The following MDGA2 variants were observed in gnomAD, a reference collection of about 807,000 sequenced individuals.
MDGA2 encodes the protein MAM domain containing glycosylphosphatidylinositol anchor 2.
MDGA2 carries 40 observed loss-of-function variants against 117.8 expected under a neutral mutation model. The observed-to-expected ratio is 0.34, with a 90% CI of 0.26 to 0.44. The LOEUF is 0.44. Among genes scored for constraint, MDGA2 ranks in the 20% least tolerant of loss-of-function variants. The pLI is 1.00. For synonymous variants in MDGA2, 452 were observed against 439.0 expected, an observed-to-expected ratio of 1.03 and a Z score of -0.37; for missense variants, 1,123 against 1,250.6, an observed-to-expected ratio of 0.90 and a Z score of 1.54.
intron 3 of MDGA2, among the ~76,000 whole-genome samples, chr14:47,165,529 G>C (rs1430200136): frequency 1.3e-5 from 2 of 152,148 alleles, no homozygotes; most frequent in African/African-American, 4.8e-5. Context: ...GATAGAAGCA[G>C]GGGAGGTAAG....
At chr14:47,510,680 C>T (rs565634702) in intron 1 of MDGA2, among the ~76,000 whole-genome samples, 2 of 152,172 alleles carry the variant, frequency 1.3e-5, no homozygotes, top group South Asian at 4.1e-4. Context: ...AAATGGGAAG[C>T]CTTCCAGTGA....
intron 12 of MDGA2, among the ~76,000 whole-genome samples, chr14:46,874,544 TCAAAA>T (rs1316915714): frequency 4.0e-5 from 6 of 151,794 alleles, no homozygotes; most frequent in African/African-American, 1.4e-4. Flanking sequence ...ATAGAAACAA[TCAAAA>T]CAAAACTGTC....
At chr14:47,553,288 G>C (rs1895620573) in intron 1 of MDGA2, among the ~76,000 whole-genome samples, 1 of 152,214 alleles carries the variant, frequency 6.6e-6, no homozygotes, top group South Asian at 2.1e-4. Flanking sequence ...AACAAGAAAA[G>C]TGTTCGGCAC....
intron 3 of MDGA2, among the ~76,000 whole-genome samples, chr14:47,179,122 A>T (rs1221937903): frequency 1.5e-4 from 23 of 152,104 alleles, no homozygotes; most frequent in Non-Finnish European, 1.0e-4. Flanking sequence ...GAAGACAAAC[A>T]ACTGACTGTG....
rs1283677687 is a variant in MDGA2 at position 47,574,575 on chromosome 14, T to A, written c.280+99942A>T. On this transcript the variant is annotated intron_variant, in intron 1 of 16. Transcript: ENST00000399232. The stretch of plus-strand genomic sequence containing the variant: ...TCCAGTCATGACAGGTCAATTGTAA[T>A]ATCTGATTTCTGCCTTTAAAATGAA... Among the ~76,000 whole-genome samples, 6 of 152,200 alleles carry A rather than the reference T, an allele frequency of 3.9e-5. No individual in the cohort carries two copies. The East Asian group carries it at 1.2e-3, about 29-fold the overall frequency.
intron 1 of MDGA2, among the ~76,000 whole-genome samples, chr14:47,410,474 CCTCA>C (rs1892349512): frequency 1.3e-5 from 2 of 152,058 alleles, no homozygotes; most frequent in Admixed American, 6.6e-5. Context: ...TGGTTTACTT[CCTCA>C]CTCTTCTTAA....
intron 5 of MDGA2, among the ~76,000 whole-genome samples, chr14:47,128,363 T>G (rs548250115): frequency 1.4e-4 from 22 of 152,256 alleles, no homozygotes; most frequent in Admixed American, 7.2e-4. Flanking sequence ...ACTTAATTAA[T>G]AATATATACT....
chr14:47,269,452 T>A (rs954237661), intron 2 of MDGA2, among the ~76,000 whole-genome samples: 1 of 152,166 alleles, frequency 6.6e-6, no homozygotes, highest in East Asian at 1.9e-4. Flanking sequence ...TGTGTCTTCA[T>A]TGAAAATTTA....
chr14:47,097,907 A>G (rs952921223), intron 5 of MDGA2, among the ~76,000 whole-genome samples: 4 of 152,046 alleles, frequency 2.6e-5, no homozygotes, highest in African/African-American at 9.7e-5. Flanking sequence ...TTCATTCAGT[A>G]GAAAAAGCTG....
At chr14:47,653,001 T>C (rs973903022) in intron 1 of MDGA2, among the ~76,000 whole-genome samples, 1 of 152,070 alleles carries the variant, frequency 6.6e-6, no homozygotes, top group African/African-American at 2.4e-5. Context: ...TGACAAACTA[T>C]CTTCTCTCCA....
intron 8 of MDGA2, among the ~76,000 whole-genome samples, chr14:47,005,496 CTTGA>C (rs1296748858): frequency 1.3e-5 from 2 of 151,462 alleles, no homozygotes; most frequent in Non-Finnish European, 3.0e-5. Flanking sequence ...TTATATATTG[CTTGA>C]TTCAGTTACT....
At chr14:47,058,832 T>C (rs1046483701) in intron 7 of MDGA2, 1 of 985,450 alleles carries the variant, frequency 1.0e-6, no homozygotes, top group Admixed American at 6.2e-5. Context: ...TAAAATCTCC[T>C]AGGCCATCTA....
At chr14:47,393,683 G>C (rs1891946105) in intron 1 of MDGA2, among the ~76,000 whole-genome samples, 2 of 151,906 alleles carry the variant, frequency 1.3e-5, no homozygotes, top group Admixed American at 1.3e-4. Context: ...AATTTTATAA[G>C]CTTCAAAGGC....
chr14:46,949,412 A>G (rs958684563), intron 9 of MDGA2, among the ~76,000 whole-genome samples: 2 of 151,980 alleles, frequency 1.3e-5, no homozygotes, highest in African/African-American at 4.8e-5. Flanking sequence ...GCTATATTGC[A>G]TAATGCTGAG....
chr14:47,561,056 C>G (rs1895789725), intron 1 of MDGA2, among the ~76,000 whole-genome samples: 3 of 151,286 alleles, frequency 2.0e-5, no homozygotes. Context: ...TTCTGCATGT[C>G]TGATTCTGTA....
At position 47,675,486 on chromosome 14, in the gene MDGA2, C is replaced by A. The variant is rs1485222908; in HGVS notation, c.-690G>T. Among the ~76,000 whole-genome samples the A allele has an allele frequency of 2.0e-5, 3 of 152,064 alleles. No individual in the cohort carries two copies. The highest frequency in any genetic ancestry group is 4.4e-5 in the Non-Finnish European group (3 of 68,002). On this transcript the variant is annotated 5_prime_UTR_variant, in exon 1 of 17. Coordinates refer to ENST00000399232, the MANE Select transcript of MDGA2 (RefSeq NM_001113498.3). ...GGGCACACCAGCCCAGCCGCCACCGCCACCGCTCTCCAAAATAGCCTTTAG... is the reference window on the plus strand; with the variant it reads ...GGGCACACCAGCCCAGCCGCCACCGACACCGCTCTCCAAAATAGCCTTTAG...
At chr14:46,866,155 C>T (rs1881749349) in intron 14 of MDGA2, among the ~76,000 whole-genome samples, 2 of 152,058 alleles carry the variant, frequency 1.3e-5, no homozygotes, top group Non-Finnish European at 2.9e-5. Context: ...TTCAAGGCTA[C>T]AGTAACCAAA....
At chr14:47,507,377 G>A (rs890879165) in intron 1 of MDGA2, among the ~76,000 whole-genome samples, 2 of 152,148 alleles carry the variant, frequency 1.3e-5, no homozygotes, top group African/African-American at 2.4e-5. Flanking sequence ...ACTACCAGGA[G>A]AGCAGGACTG....
chr14:47,008,379 A>T (rs1887783516), intron 8 of MDGA2, among the ~76,000 whole-genome samples: 1 of 151,898 alleles, frequency 6.6e-6, no homozygotes, highest in Non-Finnish European at 1.5e-5. Context: ...TGGCTCATAC[A>T]AGCAGCTAAA....
Sources: gnomAD v4.1 joint callset for allele counts (sites outside exome capture counted in the v4.1 genomes callset) on GRCh38, gnomAD v4.1.1 for gene constraint, MANE v1.5 for transcripts, NCBI Gene and HGNC (gene_info 2026-07-23, HGNC 2026-07-21) for gene names.